PRKG1: variants seen among roughly 807,000 people sequenced by gnomAD.
PRKG1 encodes the protein cGMP-dependent protein kinase 1.
Under a neutral mutation model 88.1 loss-of-function variants are expected in PRKG1, and 35 were observed. The observed-to-expected ratio is 0.40, with a 90% CI of 0.30 to 0.53. PRKG1 has a LOEUF of 0.53. Among genes scored for constraint, PRKG1 ranks in the 20% least tolerant of loss-of-function variants. The pLI is 0.59. For synonymous variants in PRKG1, 303 were observed against 292.5 expected, an observed-to-expected ratio of 1.04 and a Z score of -0.37; for missense variants, 540 against 839.8, an observed-to-expected ratio of 0.64 and a Z score of 4.41.
intron 2 of PRKG1, among the ~76,000 whole-genome samples, chr10:51,330,447 G>A (rs868764917): frequency 2.0e-5 from 3 of 152,154 alleles, no homozygotes; most frequent in African/African-American, 4.8e-5. Context: ...CACCACACCC[G>A]GCCACGTTCT....
chr10:51,115,385 A>ATATATATATATATATATATATATAGATAT (rs1554837458), intron 1 of PRKG1, among the ~76,000 whole-genome samples: 1 of 94,532 alleles, frequency 1.1e-5, no homozygotes, highest in South Asian at 5.5e-4. Flanking sequence ...ATATATATAT[A>ATATATATATATATATATATATATAGATAT]AAACAAATGT....
At chr10:51,341,795 G>A (rs1002435135) in intron 2 of PRKG1, among the ~76,000 whole-genome samples, 10 of 152,212 alleles carry the variant, frequency 6.6e-5, no homozygotes, top group African/African-American at 2.4e-5. Context: ...TGGACTCAGA[G>A]TTCCCCATGG....
intron 3 of PRKG1, among the ~76,000 whole-genome samples, chr10:51,506,031 C>A (rs1841191133): frequency 6.6e-6 from 1 of 151,528 alleles, no homozygotes; most frequent in South Asian, 2.1e-4. Context: ...ATGTGACAAA[C>A]CTGACAAAAA....
intron 8 of PRKG1, among the ~76,000 whole-genome samples, chr10:52,156,363 C>T: frequency 6.6e-6 from 1 of 151,884 alleles, no homozygotes; most frequent in Middle Eastern, 3.2e-3. Context: ...TATTATAAGT[C>T]TTTGTGTCTT....
intron 2 of PRKG1, among the ~76,000 whole-genome samples, chr10:51,406,490 A>G (rs766836149): frequency 2.6e-5 from 4 of 152,206 alleles, no homozygotes; most frequent in Non-Finnish European, 5.9e-5. Context: ...CTGCAAATGG[A>G]ATCCACTTAG....
intron 1 of PRKG1, among the ~76,000 whole-genome samples, chr10:51,054,274 A>AT (rs1564583031): frequency 6.6e-6 from 1 of 152,194 alleles, no homozygotes; most frequent in East Asian, 1.9e-4. Context: ...TTAAAGTGCA[A>AT]TTACATAGAA....
chr10:51,126,726 G>A (rs1845433033), intron 1 of PRKG1, among the ~76,000 whole-genome samples: 1 of 151,836 alleles, frequency 6.6e-6, no homozygotes, highest in South Asian at 2.1e-4. Flanking sequence ...ATACTACAAG[G>A]CTACAGTAAC....
chr10:51,268,830 A>G (rs1402351688), intron 2 of PRKG1, among the ~76,000 whole-genome samples: 1 of 152,180 alleles, frequency 6.6e-6, no homozygotes, highest in Non-Finnish European at 1.5e-5. Context: ...TGTCCATGAA[A>G]TCTTCACAAT....
At chr10:51,281,439 T>G (rs1227858650) in intron 2 of PRKG1, among the ~76,000 whole-genome samples, 1 of 152,084 alleles carries the variant, frequency 6.6e-6, no homozygotes, top group South Asian at 2.1e-4. Flanking sequence ...GCTCAGAGGG[T>G]CCCATGCCCA....
intron 3 of PRKG1, among the ~76,000 whole-genome samples, chr10:51,734,530 G>T (rs1837213400): frequency 6.6e-6 from 1 of 152,130 alleles, no homozygotes; most frequent in Non-Finnish European, 1.5e-5. Flanking sequence ...GTGTAACGCT[G>T]CCCCAAATGT....
intron 2 of PRKG1, among the ~76,000 whole-genome samples, chr10:51,413,971 G>C (rs747292123): frequency 1.3e-5 from 2 of 152,176 alleles, no homozygotes; most frequent in African/African-American, 4.8e-5. Context: ...GGGCATGAAC[G>C]TCACATGGAC....
At chr10:51,339,012 G>A (rs548774274) in intron 2 of PRKG1, among the ~76,000 whole-genome samples, 1 of 152,248 alleles carries the variant, frequency 6.6e-6, no homozygotes, top group African/African-American at 2.4e-5. Flanking sequence ...CCATTTCACT[G>A]TCACATGTAA....
chr10:52,270,098 A>G (rs973979742), intron 10 of PRKG1, among the ~76,000 whole-genome samples: 1 of 152,076 alleles, frequency 6.6e-6, no homozygotes, highest in Admixed American at 6.6e-5. Flanking sequence ...AACTGTAGGG[A>G]GGGAAAATTC....
chr10:51,663,811 C>G lies in PRKG1; in HGVS notation c.593-140774C>G, dbSNP rs916037144. On this transcript the variant is annotated intron_variant, in intron 3 of 17. Coordinates refer to ENST00000373980, the MANE Select transcript of PRKG1 (RefSeq NM_006258.4). ...AAACTTAGAGAGAATTATTAGATCT[C>G]TAATTAGGAATCATTTTTTCTACTT... is the stretch of plus-strand genomic sequence containing the variant. Among the ~76,000 whole-genome samples, 6 of 151,110 alleles carry G rather than the reference C, an allele frequency of 4.0e-5. No homozygotes were observed. The East Asian group carries it at 1.2e-3, about 29-fold the overall frequency.
At chr10:51,468,038 G>T (rs1839954237) in intron 3 of PRKG1, 1 of 476,740 alleles carries the variant, frequency 2.1e-6, no homozygotes, top group Non-Finnish European at 3.8e-6. Flanking sequence ...ACATTTTCTT[G>T]CTGACTTCTG....
chr10:51,459,396 C>A (rs1839681725), intron 2 of PRKG1, among the ~76,000 whole-genome samples: 1 of 152,114 alleles, frequency 6.6e-6, no homozygotes, highest in Admixed American at 6.5e-5. Flanking sequence ...CTAGCTTCTT[C>A]ATTTTTCCTG....
chr10:51,900,393 T>C (rs2132931312), intron 4 of PRKG1, among the ~76,000 whole-genome samples: 1 of 152,330 alleles, frequency 6.6e-6, no homozygotes, highest in Non-Finnish European at 1.5e-5. Context: ...CAATAAACTT[T>C]TCATACTCTA....
chr10:52,143,789 C>T (rs1488589888), intron 8 of PRKG1, among the ~76,000 whole-genome samples: 4 of 152,120 alleles, frequency 2.6e-5, no homozygotes, highest in Admixed American at 6.5e-5. Flanking sequence ...CCAGTCAACC[C>T]GATCCACTTT....
At chr10:51,573,220 C>T (rs1837802141) in intron 3 of PRKG1, among the ~76,000 whole-genome samples, 1 of 151,836 alleles carries the variant, frequency 6.6e-6, no homozygotes, top group African/African-American at 2.4e-5. Context: ...GAGCCCCAGC[C>T]ATCTTTTGAG....
Sources: allele counts gnomAD v4.1 joint callset (sites outside exome capture counted in the v4.1 genomes callset), GRCh38; gene constraint gnomAD v4.1.1; transcripts MANE v1.5; gene names NCBI Gene and HGNC (gene_info 2026-07-23, HGNC 2026-07-21).